DYNC1I1: variants seen among roughly 807,000 people sequenced by gnomAD.
DYNC1I1 encodes the protein cytoplasmic dynein 1 intermediate chain 1.
In DYNC1I1, 43 loss-of-function variants were observed where a neutral mutation model predicts 86.6. That is an observed-to-expected ratio of 0.50 (90% CI 0.39 to 0.64). The LOEUF is 0.64. DYNC1I1 is among the 30% of genes least tolerant of loss of function. The probability of loss-of-function intolerance (pLI) is 0.00; values close to 1 mark genes in which losing one functional copy is unlikely to be tolerated. For missense variants in DYNC1I1, 604 were observed against 788.8 expected (o/e 0.77, Z 2.81); for synonymous variants, 262 against 283.7 (o/e 0.92, Z 0.77).
intron 14 of DYNC1I1, among the ~76,000 whole-genome samples, chr7:96,070,610 T>TC (rs1453846105): frequency 6.6e-6 from 1 of 152,128 alleles, no homozygotes; most frequent in African/African-American, 2.4e-5. Context: ...ATGCCCCTTT[T>TC]CCCACCGACC....
chr7:95,864,679 C>T (rs1215921616), intron 5 of DYNC1I1, among the ~76,000 whole-genome samples: 2 of 152,134 alleles, frequency 1.3e-5, no homozygotes, highest in Admixed American at 1.3e-4. Flanking sequence ...GGTTCTTGAG[C>T]CAGTTTCTTA....
chr7:95,802,028 T>C (rs1307381170), intron 1 of DYNC1I1, among the ~76,000 whole-genome samples: 1 of 152,060 alleles, frequency 6.6e-6, no homozygotes, highest in African/African-American at 2.4e-5. Context: ...GTTAAGACTT[T>C]GAATTGCATC....
chr7:95,930,819 G>T lies in DYNC1I1; in HGVS notation c.491-46693G>T, dbSNP rs576676614. 6.0e-4 allele frequency among the ~76,000 whole-genome samples: 91 copies of T among 152,242 alleles called. 1 individual carries two copies. The South Asian group carries it at 0.018, about 29-fold the overall frequency. On this transcript the variant is annotated intron_variant, in intron 6 of 16. Transcript: ENST00000447467. ...AATATTTAAAAAGGAAACATAACAG[G>T]GTAGCTTGTCCTCATTTACTGGAGA...
chr7:96,098,313 T>C lies in DYNC1I1; in HGVS notation c.*720T>C. 1 of 985,860 alleles carries C rather than the reference T, an allele frequency of 1.0e-6. No homozygotes were observed. The highest frequency in any genetic ancestry group is 1.2e-6 in the Non-Finnish European group (1 of 829,938). 61.1% of individuals were successfully genotyped at this position (985,860 alleles called of 1,614,324 possible). ...CTATTATTTCTGGGTACTTTAACAA[T>C]ATTTCAAATATCATTGACCACTAAT... On this transcript the variant is annotated 3_prime_UTR_variant, in exon 17 of 17. Coordinates refer to ENST00000447467, the MANE Select transcript of DYNC1I1 (RefSeq NM_001135556.2).
intron 16 of DYNC1I1, among the ~76,000 whole-genome samples, chr7:96,105,822 G>T (rs1791206267): frequency 6.6e-6 from 1 of 152,118 alleles, no homozygotes; most frequent in East Asian, 1.9e-4. Flanking sequence ...TTATTTAATA[G>T]AAATAGGAGA....
At chr7:95,972,085 C>G (rs1161289800) in intron 6 of DYNC1I1, among the ~76,000 whole-genome samples, 1 of 152,130 alleles carries the variant, frequency 6.6e-6, no homozygotes, top group Non-Finnish European at 1.5e-5. Context: ...AACACAAACC[C>G]CTCTCTTCAC....
chr7:95,884,067 T>C (rs1790528276), intron 6 of DYNC1I1, among the ~76,000 whole-genome samples: 1 of 152,240 alleles, frequency 6.6e-6, no homozygotes. Flanking sequence ...TCTTTGATGA[T>C]AATGATAGGA....
intron 13 of DYNC1I1, among the ~76,000 whole-genome samples, chr7:96,038,911 A>G (rs1788951974): frequency 6.6e-6 from 1 of 152,202 alleles, no homozygotes; most frequent in African/African-American, 2.4e-5. Flanking sequence ...CAAGAATAAA[A>G]TAGTCTTATA....
intron 4 of DYNC1I1, among the ~76,000 whole-genome samples, chr7:95,824,803 A>G (rs1371947139): frequency 2.0e-5 from 3 of 152,160 alleles, no homozygotes; most frequent in Admixed American, 6.5e-5. Context: ...CCTCTCTAAG[A>G]TACTGCCATC....
intron 14 of DYNC1I1, among the ~76,000 whole-genome samples, chr7:96,048,461 CT>C (rs1268023994): frequency 6.6e-6 from 1 of 152,154 alleles, no homozygotes; most frequent in Non-Finnish European, 1.5e-5. Context: ...TTACCTGGGG[CT>C]TATTAGAGAT....
At chr7:95,961,653 A>G (rs1360748165) in intron 6 of DYNC1I1, among the ~76,000 whole-genome samples, 1 of 152,238 alleles carries the variant, frequency 6.6e-6, no homozygotes. Context: ...AACAGTGGCC[A>G]GGGACAGAGG....
intron 10 of DYNC1I1, among the ~76,000 whole-genome samples, chr7:96,005,275 C>A (rs2115815445): frequency 6.6e-6 from 1 of 152,288 alleles, no homozygotes; most frequent in East Asian, 1.9e-4. Context: ...AAAGTGTTGC[C>A]AGGATCCCTT....
In DYNC1I1 at chr7:95,946,180, A is replaced by G. The variant is rs376664641; in HGVS notation, c.491-31332A>G. ...GGGCAGGGGGAGGGAGAGCATCAGG[A>G]TAAATAGCTAATGCATGTGGGGCTT... On this transcript the variant is annotated intron_variant, in intron 6 of 16. Coordinates refer to ENST00000447467, the MANE Select transcript of DYNC1I1 (RefSeq NM_001135556.2). 3.4e-4 allele frequency among the ~76,000 whole-genome samples: 52 copies of G among 152,224 alleles called. No homozygotes were observed. The East Asian group carries it at 8.7e-3, about 25-fold the overall frequency.
chr7:95,914,312 T>C (rs319333), intron 6 of DYNC1I1, among the ~76,000 whole-genome samples: 10,037 of 152,116 alleles, frequency 0.066, 707 homozygotes, highest in East Asian at 0.29. Flanking sequence ...CCTGATTATT[T>C]ACTGTATCCT....
intron 6 of DYNC1I1, among the ~76,000 whole-genome samples, chr7:95,876,495 G>A (rs1303243043): frequency 6.6e-6 from 1 of 151,958 alleles, no homozygotes; most frequent in Non-Finnish European, 1.5e-5. Flanking sequence ...TACCTTAGCT[G>A]TTTTATTTTC....
intron 6 of DYNC1I1, among the ~76,000 whole-genome samples, chr7:95,936,898 A>G (rs572744851): frequency 6.6e-6 from 1 of 151,382 alleles, no homozygotes; most frequent in East Asian, 1.9e-4. Flanking sequence ...ATTATTCACA[A>G]TAGCCAAGAT....
At chr7:95,827,235 A>G (rs906848612) in intron 4 of DYNC1I1, among the ~76,000 whole-genome samples, 1 of 152,200 alleles carries the variant, frequency 6.6e-6, no homozygotes. Context: ...TGTGCTGTCC[A>G]TTAGTTGCCT....
At chr7:95,973,379 A>G (rs1347999035) in intron 6 of DYNC1I1, among the ~76,000 whole-genome samples, 1 of 152,206 alleles carries the variant, frequency 6.6e-6, no homozygotes, top group East Asian at 1.9e-4. Flanking sequence ...GCTGATAGAC[A>G]AAGAATTCTG....
chr7:96,092,378 GA>G (rs1397630139), intron 16 of DYNC1I1, among the ~76,000 whole-genome samples: 1 of 152,118 alleles, frequency 6.6e-6, no homozygotes, highest in Non-Finnish European at 1.5e-5. Context: ...TACAGTCCTA[GA>G]AGATGGATCT....
Sources: gnomAD v4.1 joint callset for allele counts (sites outside exome capture counted in the v4.1 genomes callset) on GRCh38, gnomAD v4.1.1 for gene constraint, MANE v1.5 for transcripts, NCBI Gene and HGNC (gene_info 2026-07-23, HGNC 2026-07-21) for gene names.